KLRG1: variants seen among roughly 807,000 people sequenced by gnomAD.
The protein encoded by KLRG1 is killer cell lectin like receptor G1.
Under a neutral mutation model 21.8 loss-of-function variants are expected in KLRG1, and 16 were observed. The ratio of observed to expected loss-of-function variants is 0.73; its 90% CI spans 0.50 to 1.11. The LOEUF (loss-of-function observed/expected upper bound fraction) is 1.11, where lower values mean the gene tolerates loss of function less well. KLRG1 is among the 50% of genes most tolerant of loss of function. The probability of loss-of-function intolerance (pLI) is 0.00; values close to 1 mark genes in which losing one functional copy is unlikely to be tolerated. For synonymous variants in KLRG1, 69 were observed against 75.9 expected (o/e 0.91, Z 0.47); for missense variants, 173 against 218.3 (o/e 0.79, Z 1.31).
At chr12:9,118,436 T>A in the KLRG1 span, among the ~76,000 whole-genome samples, 5 of 152,182 alleles carry the variant, frequency 3.3e-5, no homozygotes, top group South Asian at 1.0e-3. Flanking sequence ...GTGGACATGC[T>A]GACTAGTGAT....
At chr12:9,012,326 C>T (rs1947643312), downstream of KLRG1, among the ~76,000 whole-genome samples, 1 of 152,084 alleles carries the variant, frequency 6.6e-6, no homozygotes, top group South Asian at 2.1e-4. Context: ...TCCTAAGGTC[C>T]CTATTCTGGG....
At chr12:9,104,398 C>T in the KLRG1 span, 1 of 1,581,964 alleles carries the variant, frequency 6.3e-7, no homozygotes, top group Non-Finnish European at 8.6e-7. Flanking sequence ...CTACTAGGCG[C>T]ACCTGAAGAT....
At chr12:9,109,031 A>ATT in the KLRG1 span, among the ~76,000 whole-genome samples, 1 of 102,878 alleles carries the variant, frequency 9.7e-6, no homozygotes, top group Non-Finnish European at 2.0e-5. Context: ...CACCCTTCCC[A>ATT]TTTTGTGTGT....
chr12:9,177,850 G>A, the KLRG1 span, among the ~76,000 whole-genome samples: 1 of 152,112 alleles, frequency 6.6e-6, no homozygotes, highest in East Asian at 1.9e-4. Flanking sequence ...ACTGTTGAAA[G>A]GTAGACTAAA....
the KLRG1 span, among the ~76,000 whole-genome samples, chr12:9,114,599 T>G: frequency 6.6e-6 from 1 of 152,054 alleles, no homozygotes. Flanking sequence ...CCAATTACCA[T>G]ACAGAAATTT....
At chr12:9,076,911 A>T in the KLRG1 span, 1 of 1,606,118 alleles carries the variant, frequency 6.2e-7, no homozygotes, top group Non-Finnish European at 8.5e-7. Context: ...CTCCAGGCAA[A>T]ACAGGGCATT....
the KLRG1 span, among the ~76,000 whole-genome samples, chr12:9,017,191 G>A: frequency 6.8e-6 from 1 of 146,622 alleles, no homozygotes; most frequent in Non-Finnish European, 1.5e-5. Flanking sequence ...TTGAACCTGG[G>A]AGGTGGAGGT....
chr12:9,176,495 C>A, the KLRG1 span, among the ~76,000 whole-genome samples: 1 of 152,178 alleles, frequency 6.6e-6, no homozygotes, highest in Non-Finnish European at 1.5e-5. Context: ...AAAACGCAGT[C>A]CATATTCAAA....
At chr12:9,074,332 G>A in the KLRG1 span, among the ~76,000 whole-genome samples, 1 of 152,142 alleles carries the variant, frequency 6.6e-6, no homozygotes, top group African/African-American at 2.4e-5. Flanking sequence ...TGGGAAATAG[G>A]AGATGGATAA....
chr12:8,994,403 T>C (rs1229478255), intron 2 of KLRG1, among the ~76,000 whole-genome samples: 2 of 152,324 alleles, frequency 1.3e-5, no homozygotes, highest in African/African-American at 4.8e-5. Context: ...GAACCAACCA[T>C]TTTAAAGGAA....
At chr12:9,060,153 C>T in the KLRG1 span, among the ~76,000 whole-genome samples, 10,767 of 151,674 alleles carry the variant, frequency 0.071, 566 homozygotes, top group Non-Finnish European at 0.1. Context: ...TACAGGTGCC[C>T]GCCACCACAT....
chr12:9,079,813 C>T, the KLRG1 span: 1 of 1,594,158 alleles, frequency 6.3e-7, no homozygotes, highest in South Asian at 1.2e-5. Context: ...CCTAATATGT[C>T]TCCTAGAGAA....
the KLRG1 span, among the ~76,000 whole-genome samples, chr12:9,062,453 A>C: frequency 4.2e-5 from 6 of 143,380 alleles, no homozygotes; most frequent in Admixed American, 2.8e-4. Context: ...ATCACCTGAC[A>C]CAATAGATGG....
the KLRG1 span, chr12:9,107,484 CT>C: frequency 6.2e-7 from 1 of 1,608,090 alleles, no homozygotes; most frequent in Non-Finnish European, 8.5e-7. Context: ...TCAACAATGC[CT>C]TTATCGCTAT....
the KLRG1 span, chr12:9,166,306 T>C: frequency 2.7e-6 from 3 of 1,108,468 alleles, no homozygotes; most frequent in Middle Eastern, 2.7e-4. Context: ...CTGCTCAGAC[T>C]GTCCTAAAAG....
the KLRG1 span, chr12:9,150,855 G>A: frequency 5.6e-6 from 4 of 712,332 alleles, no homozygotes; most frequent in Admixed American, 7.9e-5. Context: ...GTGTCTTTAG[G>A]TGACCAGACA....
At chr12:9,121,586 G>A in the KLRG1 span, among the ~76,000 whole-genome samples, 30 of 152,138 alleles carry the variant, frequency 2.0e-4, no homozygotes, top group African/African-American at 6.0e-4. This position sits in a 1 kb window ranked among gnomAD's most constrained non-coding sequence, Gnocchi z 4.4. Flanking sequence ...GAAAGAAAGC[G>A]TTTTATCTTT....
At chr12:9,026,412 G>A in the KLRG1 span, among the ~76,000 whole-genome samples, 6 of 152,188 alleles carry the variant, frequency 3.9e-5, no homozygotes, top group Non-Finnish European at 8.8e-5. Flanking sequence ...CAAAAAGACT[G>A]AAGCAGTTTT....
At chr12:9,184,524 C>G in the KLRG1 span, among the ~76,000 whole-genome samples, 1 of 152,220 alleles carries the variant, frequency 6.6e-6, no homozygotes, top group African/African-American at 2.4e-5. Flanking sequence ...AGGCCAGCAA[C>G]CTGGCACCTG....
Sources: gnomAD v4.1 joint callset for allele counts (sites outside exome capture counted in the v4.1 genomes callset) on GRCh38, gnomAD v4.1.1 for gene constraint, Gnocchi (gnomAD v3.1) non-coding constraint, MANE v1.5 for transcripts, NCBI Gene and HGNC (gene_info 2026-07-23, HGNC 2026-07-21) for gene names.